The following PFKM variants were observed in gnomAD, a reference collection of about 807,000 sequenced individuals.
PFKM encodes the protein phosphofructokinase, muscle.
A neutral mutation model predicts 95.5 loss-of-function variants in PFKM; 58 were observed. That is an observed-to-expected ratio of 0.61 (90% CI 0.49 to 0.76). The LOEUF (loss-of-function observed/expected upper bound fraction) is 0.76. PFKM is among the 30% of genes least tolerant of loss of function. The probability of loss-of-function intolerance (pLI) is 0.00; values close to 1 mark genes in which losing one functional copy is unlikely to be tolerated. For missense variants in PFKM, 678 were observed against 1,005.4 expected, an observed-to-expected ratio of 0.67 and a Z score of 4.40; for synonymous variants, 336 against 357.2, an observed-to-expected ratio of 0.94 and a Z score of 0.67.
intron 2 of PFKM, among the ~76,000 whole-genome samples, chr12:48,124,268 G>T (rs777499516): frequency 2.0e-5 from 3 of 152,196 alleles, no homozygotes; most frequent in Non-Finnish European, 4.4e-5. Flanking sequence ...GGAATGCAGA[G>T]CCCTAGTTGA....
At chr12:48,117,521 T>A (rs1003746722), upstream of PFKM, among the ~76,000 whole-genome samples, 2 of 152,264 alleles carry the variant, frequency 1.3e-5, no homozygotes, top group Non-Finnish European at 2.9e-5. Context: ...AATCATTTAA[T>A]CATTCTAATA....
At position 48,122,770 on chromosome 12, in the gene PFKM, G is replaced by A. The variant is rs1182814980; in HGVS notation, c.-5G>A. 3.7e-6 allele frequency: 6 copies of A among 1,613,968 alleles called. No homozygotes were observed. The highest frequency in any genetic ancestry group is 1.1e-5 in the South Asian group (1 of 91,076). On this transcript the variant is annotated 5_prime_UTR_variant, in exon 2 of 23. Coordinates refer to ENST00000359794, the MANE Select transcript of PFKM (RefSeq NM_000289.6). Reference sequence around the variant, plus strand: ...TGACCATTGTCTTAAATTCTAGAGTGGATCATGACCCATGAAGAGCACCAT... The same window carrying A: ...TGACCATTGTCTTAAATTCTAGAGTAGATCATGACCCATGAAGAGCACCAT...
At chr12:48,130,488 C>A in intron 3 of PFKM, 52 bp downstream of exon 3, 2 of 1,346,094 alleles carry the variant, frequency 1.5e-6, no homozygotes, top group Non-Finnish European at 2.1e-6. Flanking sequence ...TCTTCTAAAT[C>A]TGCCTTCTAT....
chr12:48,141,630 G>C, intron 15 of PFKM, 110 bp from the exon 16 acceptor site: 1 of 917,946 alleles, frequency 1.1e-6, no homozygotes, highest in South Asian at 1.3e-5. Context: ...CACAGGTCAA[G>C]AAATTAAAAA....
chr12:48,136,130 ACCCGCCTC>A (rs1950067993), intron 10 of PFKM, among the ~76,000 whole-genome samples: 1 of 151,786 alleles, frequency 6.6e-6, no homozygotes, highest in South Asian at 2.1e-4. Context: ...CTTGTGATCC[ACCCGCCTC>A]GGCCTCCCAA....
In PFKM at chr12:48,142,841, G is replaced by T; in HGVS notation, c.1713G>T (p.Glu571Asp). 1 of 1,614,140 alleles carries T rather than the reference G, an allele frequency of 6.2e-7. No homozygotes were observed. The highest frequency in any genetic ancestry group is 1.1e-5 in the South Asian group (1 of 91,076). ...AGTKRRVFII[E>D]TMGGYCGYLA... ...CCAAGCGTCGGGTGTTTATCATTGA[G>T]ACTATGGGTGGCTACTGTGGCTACC... The change falls in exon 18 of 23, where the codon GAG (glutamate) becomes GAT (aspartate). Residue 571 changes from glutamate (E) to aspartate (D), a missense_variant. Coordinates refer to ENST00000359794, the MANE Select transcript of PFKM (RefSeq NM_000289.6).
intron 2 of PFKM, 116 bp from the exon 3 acceptor site, chr12:48,130,247 A>T: frequency 1.3e-6 from 1 of 795,032 alleles, no homozygotes; most frequent in Non-Finnish European, 2.3e-6. Context: ...AGATTCAGAG[A>T]AAAGACTAAA....
intron 1 of PFKM, among the ~76,000 whole-genome samples, chr12:48,121,959 A>G (rs1948328637): frequency 1.3e-5 from 2 of 152,164 alleles, no homozygotes; most frequent in South Asian, 4.1e-4. Flanking sequence ...TGTTCCTTTG[A>G]GAGAGGTGAT....
chr12:48,133,665 A>G (rs945460518), intron 6 of PFKM, among the ~76,000 whole-genome samples, 185 bp downstream of exon 6: 12 of 152,182 alleles, frequency 7.9e-5, no homozygotes, highest in Non-Finnish European at 1.5e-4. Context: ...TCCCTTAATG[A>G]TATATGATTT....
chr12:48,130,500 C>A, intron 3 of PFKM, 64 bp downstream of exon 3: 2 of 1,216,580 alleles, frequency 1.6e-6, no homozygotes. Flanking sequence ...GCCTTCTATC[C>A]CCTTCCCACA....
In PFKM at chr12:48,145,823, T is replaced by G; in HGVS notation, c.*115T>G. 1 of 1,200,348 alleles carries G rather than the reference T, an allele frequency of 8.3e-7. No homozygotes were observed. Among genetic ancestry groups the G allele is most frequent in the Non-Finnish European group, 1.2e-6 (1 of 821,510 alleles). The allele number at this position is 1,200,348 out of a possible 1,614,324, so 74.4% of individuals were successfully genotyped here. ...TTTCATTAGGTTTCCTTTTATTCTGTACCTTGCAGCCATGACCAGTTCTGG... is the reference window on the plus strand; with the variant it reads ...TTTCATTAGGTTTCCTTTTATTCTGGACCTTGCAGCCATGACCAGTTCTGG... On this transcript the variant is annotated 3_prime_UTR_variant, in exon 23 of 23. Transcript: ENST00000359794. This position sits in a 1 kb window ranked among gnomAD's most constrained non-coding sequence, Gnocchi z 4.3.
intron 3 of PFKM, 113 bp from the exon 4 acceptor site, chr12:48,131,203 T>C (rs1318224386): frequency 1.3e-6 from 1 of 777,054 alleles, no homozygotes; most frequent in Non-Finnish European, 2.3e-6. Flanking sequence ...CAGGACTCAC[T>C]AATGGGAGGA....
rs551673611 is a variant in PFKM at position 48,145,685 on chromosome 12, C to T, written c.2320C>T (p.Arg774Trp). ...HAHLEHITRK[R>W]SGEAAV Reference sequence around the variant, plus strand: ...CCACCTGGAGCACATCACCCGGAAGCGGTCCGGGGAAGCTGCCGTCTAAAC... The same window carrying T: ...CCACCTGGAGCACATCACCCGGAAGTGGTCCGGGGAAGCTGCCGTCTAAAC... The change falls in exon 23 of 23, where the codon CGG becomes TGG. Residue 774 changes from arginine to tryptophan, a missense_variant. By Grantham distance (101) the Arg-to-Trp change is moderately radical. Coordinates refer to ENST00000359794, the MANE Select transcript of PFKM (RefSeq NM_000289.6). The surrounding 1 kb of genome is among the most constrained non-coding windows in gnomAD (Gnocchi z 4.3). 5.6e-6 allele frequency: 9 copies of T among 1,614,178 alleles called. No homozygotes were observed. Among genetic ancestry groups the T allele is most frequent in the East Asian group, 2.2e-5 (1 of 44,888 alleles).
At chr12:48,119,994 G>A (rs1353664958) in intron 1 of PFKM, 1 of 152,158 alleles carries the variant, frequency 6.6e-6, no homozygotes, top group Non-Finnish European at 1.5e-5. Context: ...TCCAGGGGTG[G>A]AAGAGCTCTG....
chr12:48,135,118 C>A lies in PFKM; in HGVS notation c.843+80C>A, dbSNP rs1949950274. ...GCTTCTGAGTCTCCTGACATTGCTT[C>A]TCCCCTTGGTCCTTCTGCACATCTC... On this transcript the variant is annotated intron_variant, in intron 9 of 22. Transcript: ENST00000359794. The A allele has an allele frequency of 2.5e-6, 3 of 1,208,320 alleles. No individual in the cohort carries two copies. The Admixed American group carries it at 5.4e-5, about 22-fold the overall frequency. 74.8% of individuals were successfully genotyped at this position (1,208,320 alleles called of 1,614,324 possible).
chr12:48,145,974 A>C lies in PFKM; in HGVS notation c.*266A>C. The C allele has an allele frequency of 2.1e-6, 1 of 474,974 alleles. No individual in the cohort carries two copies. Among genetic ancestry groups the C allele is most frequent in the Non-Finnish European group, 3.8e-6 (1 of 263,362 alleles). The allele number at this position is 474,974 out of a possible 1,614,324, so 29.4% of individuals were successfully genotyped here. On this transcript the variant is annotated 3_prime_UTR_variant, in exon 23 of 23. Coordinates refer to ENST00000359794, the MANE Select transcript of PFKM (RefSeq NM_000289.6). This position sits in a 1 kb window ranked among gnomAD's most constrained non-coding sequence, Gnocchi z 4.3. ...CTAGTGCTACTGCTAGATATCACTT[A>C]CTCAGTTAGAATTTTCCTAAAAATA... is the stretch of plus-strand genomic sequence containing the variant.
chr12:48,134,168 T>C, intron 6 of PFKM, 64 bp from the exon 7 acceptor site: 1 of 1,353,562 alleles, frequency 7.4e-7, no homozygotes, highest in African/African-American at 1.4e-5. Flanking sequence ...GGCCTAGATG[T>C]GGGTGGTGGC....
intron 2 of PFKM, among the ~76,000 whole-genome samples, chr12:48,126,360 A>G (rs1303032680): frequency 6.6e-6 from 1 of 152,216 alleles, no homozygotes; most frequent in Non-Finnish European, 1.5e-5. Context: ...GGTTTGAGGC[A>G]TAGGTACCAG....
intron 2 of PFKM, among the ~76,000 whole-genome samples, chr12:48,129,808 A>C (rs1949275262): frequency 6.6e-6 from 1 of 152,242 alleles, no homozygotes; most frequent in African/African-American, 2.4e-5. Context: ...GAAAGCAAGG[A>C]AAAACCTAGT....
Sources: gnomAD v4.1 joint callset for allele counts (sites outside exome capture counted in the v4.1 genomes callset) on GRCh38, gnomAD v4.1.1 for gene constraint, Gnocchi (gnomAD v3.1) non-coding constraint, MANE v1.5 for transcripts, NCBI Gene and HGNC (gene_info 2026-07-23, HGNC 2026-07-21) for gene names.